Variants in ZFAND4 observed in about 807,000 individuals in gnomAD.
ZFAND4 encodes the protein zinc finger AN1-type containing 4.
A neutral mutation model predicts 64.4 loss-of-function variants in ZFAND4; 43 were observed. The observed-to-expected ratio is 0.67, with a 90% CI of 0.52 to 0.86. The LOEUF (loss-of-function observed/expected upper bound fraction) is 0.86. ZFAND4 is among the 40% of genes least tolerant of loss of function. The pLI is 0.00. For synonymous variants in ZFAND4, 296 were observed against 305.7 expected (o/e 0.97, Z 0.33); for missense variants, 929 against 859.8 (o/e 1.08, Z -1.01).
intron 6 of ZFAND4, among the ~76,000 whole-genome samples, chr10:45,635,202 A>AAC (rs1237133096): frequency 3.4e-5 from 5 of 145,870 alleles, no homozygotes; most frequent in Non-Finnish European, 6.0e-5. Flanking sequence ...AAGCAAAAAA[A>AAC]AAAAAAAAAA....
At chr10:45,620,922 T>G (rs968409291) in intron 8 of ZFAND4, 1 of 152,200 alleles carries the variant, frequency 6.6e-6, no homozygotes, top group African/African-American at 2.4e-5. Context: ...AAATGTGTAC[T>G]GAACAGATGA....
intron 6 of ZFAND4, among the ~76,000 whole-genome samples, chr10:45,631,078 G>T (rs2046181364): frequency 1.3e-5 from 2 of 152,108 alleles, no homozygotes; most frequent in South Asian, 4.2e-4. Flanking sequence ...TAGCACTTTG[G>T]AAGGCCGAGG....
At chr10:45,662,764 T>G (rs2048562201) in intron 2 of ZFAND4, 1 of 683,508 alleles carries the variant, frequency 1.5e-6, no homozygotes, top group South Asian at 6.6e-5. Context: ...CTCATCCTTC[T>G]ATAATTCTGA....
In ZFAND4 at chr10:45,648,329, C is replaced by T; in HGVS notation, c.534G>A (p.Leu178=). 6.2e-7 allele frequency: 1 copy of T among 1,613,296 alleles called. No homozygotes were observed. Among genetic ancestry groups the T allele is most frequent in the Non-Finnish European group, 8.5e-7 (1 of 1,179,680 alleles). The part of the protein sequence containing the change: ...SDSSKKIDFH[L]HVLRRKGEHR... ...GTTCTCCTTTTCTCCGTAGGACATGCAAATGAAAATCTATTTTCTTTGAAG... is the reference window on the plus strand; with the variant it reads ...GTTCTCCTTTTCTCCGTAGGACATGTAAATGAAAATCTATTTTCTTTGAAG... The change falls in exon 5 of 10, where the codon TTG becomes TTA. Residue 178 remains leucine, a synonymous_variant. Transcript: ENST00000344646.
chr10:45,669,338 T>C (rs535019002), intron 1 of ZFAND4, among the ~76,000 whole-genome samples: 3 of 152,162 alleles, frequency 2.0e-5, no homozygotes, highest in Non-Finnish European at 4.4e-5. Context: ...CAGGAAGAAG[T>C]GGAATCTCTG....
chr10:45,672,537 G>C lies in ZFAND4; in HGVS notation c.-405C>G, dbSNP rs1315260811. On this transcript the variant is annotated 5_prime_UTR_variant, in exon 1 of 10. Coordinates refer to ENST00000344646, the MANE Select transcript of ZFAND4 (RefSeq NM_174890.4). ...GAGGGGCGGGGACAGGACTCTACCC[G>C]GCAGCCCAGCGCCGAGCGCCCGCGC... 6.6e-6 allele frequency: 1 copy of C among 152,096 alleles called. No homozygotes were observed. The highest frequency in any genetic ancestry group is 1.5e-5 in the Non-Finnish European group (1 of 68,050). 9.4% of individuals were successfully genotyped at this position (152,096 alleles called of 1,614,324 possible).
chr10:45,672,114 G>A (rs1265380236), intron 1 of ZFAND4, 136 bp downstream of exon 1: 2 of 152,176 alleles, frequency 1.3e-5, no homozygotes, highest in African/African-American at 4.8e-5. Flanking sequence ...CATCCCTAAA[G>A]TTCGAAATAC....
At chr10:45,654,167 T>C (rs545697249) in intron 2 of ZFAND4, among the ~76,000 whole-genome samples, 1 of 152,144 alleles carries the variant, frequency 6.6e-6, no homozygotes, top group South Asian at 2.1e-4. Flanking sequence ...AGGGACTACA[T>C]GGGGAGGGAA....
chr10:45,633,692 A>T (rs1295933467), intron 6 of ZFAND4, among the ~76,000 whole-genome samples: 4 of 152,084 alleles, frequency 2.6e-5, no homozygotes, highest in Non-Finnish European at 5.9e-5. Flanking sequence ...AATTAACATT[A>T]TGTGCCTTCT....
chr10:45,669,519 A>T (rs1330435901), intron 1 of ZFAND4, among the ~76,000 whole-genome samples: 1 of 152,238 alleles, frequency 6.6e-6, no homozygotes, highest in East Asian at 1.9e-4. Flanking sequence ...AATCCTCCCT[A>T]ACTCATTTTA....
rs2046879871 is a variant in ZFAND4, at chr10:45,640,046, T to C, written c.570-83A>G. 12 of 1,433,368 alleles carry C rather than the reference T, an allele frequency of 8.4e-6. No homozygotes were observed. The East Asian group carries it at 2.8e-4, about 34-fold the overall frequency. The allele number at this position is 1,433,368 out of a possible 1,614,324, so 88.8% of individuals were successfully genotyped here. A position where few individuals can be genotyped will look rare whatever the true frequency, so the allele number is the denominator to read the frequency against. On this transcript the variant is annotated intron_variant, in intron 5 of 9. Coordinates refer to ENST00000344646, the MANE Select transcript of ZFAND4 (RefSeq NM_174890.4). Reference sequence around the variant, plus strand: ...ATGCTCTATATGAAACAGCAATCTATAGAAGTTACTAATGATAAAACACTA... The same window carrying C: ...ATGCTCTATATGAAACAGCAATCTACAGAAGTTACTAATGATAAAACACTA...
intron 1 of ZFAND4, among the ~76,000 whole-genome samples, chr10:45,665,590 A>G (rs2048771079): frequency 1.3e-5 from 2 of 152,170 alleles, no homozygotes; most frequent in Admixed American, 1.3e-4. Flanking sequence ...ATGCCATAAA[A>G]TTCACTCATT....
chr10:45,657,011 G>GA, intron 2 of ZFAND4, among the ~76,000 whole-genome samples: 1 of 149,656 alleles, frequency 6.7e-6, no homozygotes, highest in South Asian at 2.1e-4. Flanking sequence ...ACAGCAACCT[G>GA]AACTTTTTTT....
chr10:45,663,663 T>C lies in ZFAND4; in HGVS notation c.63A>G (p.Arg21=). 1 of 1,610,838 alleles carries C rather than the reference T, an allele frequency of 6.2e-7. No individual in the cohort carries two copies. The highest frequency in any genetic ancestry group is 2.2e-5 in the East Asian group (1 of 44,684). Reference sequence around the variant, plus strand: ...GCTCCATGGTATCACAGAAATGAAGTCTGTAGTAAAATGGTCCCATGTTAT... The same window carrying C: ...GCTCCATGGTATCACAGAAATGAAGCCTGTAGTAAAATGGTCCCATGTTAT... ...NDDNMGPFYY[R]LHFCDTMELF... is the part of the protein sequence containing the mutation. The change falls in exon 2 of 10, where the codon AGA becomes AGG. Residue 21 remains arginine (R), a synonymous_variant. Transcript: ENST00000344646.
Position 45,651,978 on chromosome 10 carries a change from T to A in ZFAND4, c.316A>T (p.Asn106Tyr). ...TATATATGCCTACCTCTTCTAGTAT[T>A]TATAGGTCCGCCACGCATAGCCAAA... ...LVLAMRGGPI[N>Y]TRRVPTDDPL... Residue 106 changes from asparagine to tyrosine, a missense_variant, in exon 4 of 10, where the codon AAT (asparagine) becomes TAT (tyrosine). By Grantham distance (143) the Asn-to-Tyr change is moderately radical. Transcript: ENST00000344646. 1 of 1,613,690 alleles carries A rather than the reference T, an allele frequency of 6.2e-7. No homozygotes were observed. The highest frequency in any genetic ancestry group is 8.5e-7 in the Non-Finnish European group (1 of 1,179,676).
intron 5 of ZFAND4, among the ~76,000 whole-genome samples, chr10:45,643,877 A>G (rs558592605): frequency 6.6e-6 from 1 of 152,276 alleles, no homozygotes; most frequent in African/African-American, 2.4e-5. Context: ...TGTGTGGCCC[A>G]TGAGCTAAGA....
At chr10:45,665,135 C>A (rs1192231157) in intron 1 of ZFAND4, among the ~76,000 whole-genome samples, 1 of 152,112 alleles carries the variant, frequency 6.6e-6, no homozygotes, top group East Asian at 1.9e-4. Context: ...CAAAAATGAT[C>A]AAATTGCTAT....
At chr10:45,644,010 C>T (rs1193073858) in intron 5 of ZFAND4, among the ~76,000 whole-genome samples, 2 of 152,178 alleles carry the variant, frequency 1.3e-5, no homozygotes, top group African/African-American at 2.4e-5. Flanking sequence ...AAGCCATATT[C>T]ACCCAATCAT....
At chr10:45,621,765 A>G (rs2045445393) in intron 8 of ZFAND4, among the ~76,000 whole-genome samples, 1 of 152,098 alleles carries the variant, frequency 6.6e-6, no homozygotes, top group Non-Finnish European at 1.5e-5. Context: ...AAACAAACAA[A>G]CAAAAACTGA....
Sources: allele counts gnomAD v4.1 joint callset (sites outside exome capture counted in the v4.1 genomes callset), GRCh38; gene constraint gnomAD v4.1.1; transcripts MANE v1.5; gene names NCBI Gene and HGNC (gene_info 2026-07-23, HGNC 2026-07-21).